Variants in DCHS2 observed in about 807,000 individuals in gnomAD.
DCHS2 encodes the protein dachsous cadherin-related 2, also known as protocadherin-23.
DCHS2 carries 142 observed loss-of-function variants against 182.4 expected under a neutral mutation model. That is an observed-to-expected ratio of 0.78 (90% CI 0.68 to 0.89). The LOEUF is 0.89. Ranked by LOEUF, DCHS2 falls within the 40% of genes least tolerant of loss-of-function variation. The pLI is 0.00. For synonymous variants in DCHS2, 1,740 were observed against 1,663.3 expected, an observed-to-expected ratio of 1.05 and a Z score of -1.12; for missense variants, 4,319 against 4,198.6, an observed-to-expected ratio of 1.03 and a Z score of -0.79.
In DCHS2 at chr4:154,319,703, G is replaced by A. The variant is rs370419522; in HGVS notation, c.5020+676C>T. ...AAAGACAACAAGTATTGGTGAGGGC[G>A]TAGAGAAATTGGAACCCTTGTATAC... On this transcript the variant is annotated intron_variant, in intron 9 of 19. Transcript: ENST00000357232. Among the ~76,000 whole-genome samples, 52 of 149,026 alleles carry A rather than the reference G, an allele frequency of 3.5e-4. No individual in the cohort carries two copies. In the East Asian group the frequency reaches 5.1e-3, roughly 15 times the overall value.
At chr4:154,273,198 A>T (rs1733677450) in intron 13 of DCHS2, among the ~76,000 whole-genome samples, 1 of 152,136 alleles carries the variant, frequency 6.6e-6, no homozygotes, top group African/African-American at 2.4e-5. Context: ...AACCAGCCCA[A>T]ATGCCTATCA....
chr4:154,439,013 T>C (rs775161521), intron 1 of DCHS2, among the ~76,000 whole-genome samples: 3 of 152,212 alleles, frequency 2.0e-5, no homozygotes, highest in Non-Finnish European at 4.4e-5. Context: ...GTACTATGTA[T>C]TTTCTTTATG....
chr4:154,273,523 G>C (rs1029552681), intron 13 of DCHS2, among the ~76,000 whole-genome samples: 2 of 151,914 alleles, frequency 1.3e-5, no homozygotes, highest in Non-Finnish European at 2.9e-5. Context: ...TGGGTGACGG[G>C]TGCACCAAAA....
intron 3 of DCHS2, among the ~76,000 whole-genome samples, chr4:154,339,542 T>A (rs539900607): frequency 1.3e-5 from 2 of 151,760 alleles, no homozygotes; most frequent in Admixed American, 1.3e-4. Context: ...CTCTGCCTCC[T>A]GGATTCAAGC....
chr4:154,482,163 C>T (rs1735947836), intron 1 of DCHS2, among the ~76,000 whole-genome samples: 1 of 152,152 alleles, frequency 6.6e-6, no homozygotes, highest in South Asian at 2.1e-4. Context: ...ATGATTTAAA[C>T]AATAATCAAG....
At chr4:154,330,619 G>A (rs566393495) in intron 5 of DCHS2, among the ~76,000 whole-genome samples, 19 of 152,080 alleles carry the variant, frequency 1.2e-4, no homozygotes, top group South Asian at 1.0e-3. Context: ...AGCAGCTACC[G>A]ACAAACATTT....
At chr4:154,374,791 C>T (rs562002388) in intron 2 of DCHS2, among the ~76,000 whole-genome samples, 3 of 151,758 alleles carry the variant, frequency 2.0e-5, no homozygotes, top group African/African-American at 7.3e-5. Context: ...GAGTAGTAAG[C>T]AGATGAAAAA....
At chr4:154,290,018 T>C (rs886631227) in intron 13 of DCHS2, among the ~76,000 whole-genome samples, 3 of 152,092 alleles carry the variant, frequency 2.0e-5, no homozygotes, top group Non-Finnish European at 4.4e-5. Flanking sequence ...TGTTTGCAGA[T>C]GATATGATCT....
intron 1 of DCHS2, among the ~76,000 whole-genome samples, chr4:154,438,365 T>G (rs1560758472): frequency 6.6e-6 from 1 of 152,232 alleles, no homozygotes; most frequent in Non-Finnish European, 1.5e-5. Context: ...GGCTTTCCAT[T>G]CTGTTAAGTG....
chr4:154,358,541 A>G (rs561439724), intron 3 of DCHS2, among the ~76,000 whole-genome samples: 2 of 152,316 alleles, frequency 1.3e-5, no homozygotes, highest in Admixed American at 1.3e-4. Flanking sequence ...GGTGGCTTAT[A>G]AGTTTAAGAA....
At chr4:154,319,491 C>A (rs1735974358) in intron 9 of DCHS2, among the ~76,000 whole-genome samples, 1 of 151,324 alleles carries the variant, frequency 6.6e-6, no homozygotes, top group Non-Finnish European at 1.5e-5. Context: ...CATAAAAAAA[C>A]CCTAATTTTA....
chr4:154,232,256 C>T lies in DCHS2; in HGVS notation c.*2280G>A, dbSNP rs139690898. 121 of 152,238 alleles carry T rather than the reference C, an allele frequency of 7.9e-4. No individual in the cohort carries two copies. Among genetic ancestry groups the T allele is most frequent in the African/African-American group, 2.7e-3 (112 of 41,558 alleles). 9.4% of individuals were successfully genotyped at this position (152,238 alleles called of 1,614,324 possible). On this transcript the variant is annotated 3_prime_UTR_variant, in exon 20 of 20. Coordinates refer to ENST00000357232, the MANE Select transcript of DCHS2 (RefSeq NM_001358235.2). ...AAAAAAAGCACTCTAGTTGAAAGAG[C>T]TGACATACGATTTATTGCAAACACT...
At chr4:154,292,861 T>C (rs1196705260) in intron 13 of DCHS2, among the ~76,000 whole-genome samples, 2 of 152,120 alleles carry the variant, frequency 1.3e-5, no homozygotes, top group African/African-American at 2.4e-5. Flanking sequence ...CCAGTAGCCA[T>C]TTTTCCATCT....
chr4:154,398,656 A>C (rs1300340980), intron 1 of DCHS2, among the ~76,000 whole-genome samples: 1 of 152,214 alleles, frequency 6.6e-6, no homozygotes, highest in Non-Finnish European at 1.5e-5. Context: ...CTATAAAGCT[A>C]TCCCCATGAT....
chr4:154,370,603 C>T (rs777631357), intron 2 of DCHS2, among the ~76,000 whole-genome samples: 2 of 152,030 alleles, frequency 1.3e-5, no homozygotes, highest in Non-Finnish European at 2.9e-5. Flanking sequence ...GGATGGGACC[C>T]TAAACAGTAG....
At chr4:154,458,499 T>A (rs890793826) in intron 1 of DCHS2, among the ~76,000 whole-genome samples, 23 of 152,170 alleles carry the variant, frequency 1.5e-4, no homozygotes, top group Admixed American at 5.9e-4. Context: ...ATGAGATTTA[T>A]CTTGTTTGCT....
At chr4:154,382,453 G>A (rs1409394069) in intron 1 of DCHS2, among the ~76,000 whole-genome samples, 4 of 151,870 alleles carry the variant, frequency 2.6e-5, no homozygotes, top group Non-Finnish European at 5.9e-5. Context: ...TTATTACTAA[G>A]TCCTCAAAAG....
intron 16 of DCHS2, among the ~76,000 whole-genome samples, chr4:154,251,626 C>T (rs2111139943): frequency 6.6e-6 from 1 of 152,334 alleles, no homozygotes; most frequent in Admixed American, 6.5e-5. Context: ...TCAAGCGATT[C>T]TCCTGCCTCA....
intron 1 of DCHS2, among the ~76,000 whole-genome samples, chr4:154,385,628 A>T (rs1731378178): frequency 6.6e-6 from 1 of 150,622 alleles, no homozygotes; most frequent in Non-Finnish European, 1.5e-5. Context: ...CTGAGACTAC[A>T]GGTGCAGGCC....
Sources: gnomAD v4.1 joint callset for allele counts (sites outside exome capture counted in the v4.1 genomes callset) on GRCh38, gnomAD v4.1.1 for gene constraint, MANE v1.5 for transcripts, NCBI Gene and HGNC (gene_info 2026-07-23, HGNC 2026-07-21) for gene names.